The following RNLS variants were observed in gnomAD, a reference collection of about 807,000 sequenced individuals.
RNLS encodes the protein renalase, FAD dependent amine oxidase.
RNLS carries 39 observed loss-of-function variants against 39.8 expected under a neutral mutation model. That is an observed-to-expected ratio of 0.98 (90% CI 0.76 to 1.28). The LOEUF (loss-of-function observed/expected upper bound fraction) is 1.28, where lower values mean the gene tolerates loss of function less well. RNLS is among the 50% of genes most tolerant of loss of function. The pLI is 0.00. For missense variants in RNLS, 410 were observed against 413.3 expected (o/e 0.99, Z 0.07); for synonymous variants, 147 against 150.7 (o/e 0.98, Z 0.18).
intron 4 of RNLS, among the ~76,000 whole-genome samples, chr10:88,449,335 T>A (rs1385788141): frequency 6.6e-6 from 1 of 152,236 alleles, no homozygotes; most frequent in Non-Finnish European, 1.5e-5. Flanking sequence ...CATACTTCCA[T>A]TTATTCATGT....
At chr10:88,376,768 A>G (rs1851034064) in intron 4 of RNLS, among the ~76,000 whole-genome samples, 1 of 152,194 alleles carries the variant, frequency 6.6e-6, no homozygotes, top group Non-Finnish European at 1.5e-5. Context: ...TTAACTCTAC[A>G]ATGAACAATA....
At chr10:88,317,188 T>C (rs573527869) in intron 5 of RNLS, among the ~76,000 whole-genome samples, 8 of 152,350 alleles carry the variant, frequency 5.3e-5, no homozygotes, top group African/African-American at 1.7e-4. Context: ...TCAATGGCTA[T>C]AGAGTCAGAA....
rs186959697 is a variant in RNLS, at chr10:88,466,716, A to T, written c.527-103991T>A. The stretch of plus-strand genomic sequence containing the variant: ...TTGTGACCCCAAAAGTGTATTTTTT[A>T]AATTCAAAGAGTCCTCCAAACATTT... On this transcript the variant is annotated intron_variant, in intron 4 of 6. Transcript: ENST00000331772. Among the ~76,000 whole-genome samples the T allele has an allele frequency of 3.3e-5, 5 of 152,268 alleles. No homozygotes were observed. In the East Asian group the frequency reaches 7.7e-4, roughly 23 times the overall value.
chr10:88,371,444 AAAAAC>A (rs1208496568), intron 4 of RNLS, among the ~76,000 whole-genome samples: 9 of 152,194 alleles, frequency 5.9e-5, no homozygotes, highest in East Asian at 3.8e-4. Flanking sequence ...AGTAGAGAAT[AAAAAC>A]AAAACAAAAC....
At chr10:88,499,093 T>C (rs1845325770) in intron 4 of RNLS, among the ~76,000 whole-genome samples, 1 of 152,166 alleles carries the variant, frequency 6.6e-6, no homozygotes, top group African/African-American at 2.4e-5. Context: ...TGCAGGGGAA[T>C]GTCCTTAGTC....
At chr10:88,521,337 A>G (rs1174625749) in intron 4 of RNLS, among the ~76,000 whole-genome samples, 1 of 152,034 alleles carries the variant, frequency 6.6e-6, no homozygotes, top group Non-Finnish European at 1.5e-5. Flanking sequence ...CCCTAGAATA[A>G]TTGTGTTTAA....
rs147355595 is a variant in RNLS, at chr10:88,356,419, T to G, written c.700+6133A>C. 2.6e-5 allele frequency among the ~76,000 whole-genome samples: 4 copies of G among 152,336 alleles called. No individual in the cohort carries two copies. In the East Asian group the frequency reaches 7.7e-4, roughly 29 times the overall value. The stretch of plus-strand genomic sequence containing the variant: ...TGTTATAAAGTTCACGGCTATTTGT[T>G]TAATTGGAATAATCATGAACTCTTT... On this transcript the variant is annotated intron_variant, in intron 5 of 6. Transcript: ENST00000331772.
chr10:88,372,305 A>G (rs991482308), intron 4 of RNLS, among the ~76,000 whole-genome samples: 5 of 152,148 alleles, frequency 3.3e-5, no homozygotes, highest in Admixed American at 3.3e-4. Flanking sequence ...CTTTTTAATC[A>G]TAAAGAACAA....
chr10:88,354,369 A>G (rs1848976298), intron 5 of RNLS, among the ~76,000 whole-genome samples: 1 of 151,994 alleles, frequency 6.6e-6, no homozygotes, highest in South Asian at 2.1e-4. Flanking sequence ...GTTCCTTTCC[A>G]TGTTTAGTGC....
chr10:88,548,231 C>T (rs577350270), intron 4 of RNLS, among the ~76,000 whole-genome samples: 2 of 103,574 alleles, frequency 1.9e-5, no homozygotes, highest in Admixed American at 1.4e-4. Flanking sequence ...CATTGCACTC[C>T]AGCCTGGGCG....
intron 3 of RNLS, among the ~76,000 whole-genome samples, chr10:88,575,317 A>G (rs74147234): frequency 0.021 from 3,085 of 149,986 alleles, 92 homozygotes; most frequent in South Asian, 0.069. Context: ...TCTAAGTATG[A>G]ACCCCAGACC....
At chr10:88,366,168 G>A (rs1850084816) in intron 4 of RNLS, among the ~76,000 whole-genome samples, 1 of 152,100 alleles carries the variant, frequency 6.6e-6, no homozygotes, top group African/African-American at 2.4e-5. Flanking sequence ...GCAGGTAAAG[G>A]GATACATAAC....
chr10:88,457,553 C>T (rs17336288), intron 4 of RNLS, among the ~76,000 whole-genome samples: 27,107 of 152,192 alleles, frequency 0.18, 2,893 homozygotes, highest in Non-Finnish European at 0.25. Flanking sequence ...AATGCAATGA[C>T]GTTGAAACCA....
intron 4 of RNLS, among the ~76,000 whole-genome samples, chr10:88,503,159 T>C (rs1220186254): frequency 1.3e-5 from 2 of 152,136 alleles, no homozygotes; most frequent in African/African-American, 4.8e-5. Flanking sequence ...GGTGGGAGGA[T>C]TACTTGAGGT....
At chr10:88,181,896 A>G in the RNLS span, among the ~76,000 whole-genome samples, 67 of 152,264 alleles carry the variant, frequency 4.4e-4, no homozygotes, top group African/African-American at 1.6e-3. Context: ...TTGTGGAATA[A>G]TGGCCAACTC....
intron 4 of RNLS, among the ~76,000 whole-genome samples, chr10:88,478,261 G>A (rs1275596854): frequency 4.6e-5 from 7 of 152,042 alleles, no homozygotes; most frequent in East Asian, 1.9e-4. Flanking sequence ...GCTTGAAAAC[G>A]CGAGCCCATC....
chr10:88,315,530 C>T lies in RNLS; in HGVS notation c.701-889G>A, dbSNP rs564946419. Among the ~76,000 whole-genome samples, 152 of 152,232 alleles carry T rather than the reference C, an allele frequency of 1.0e-3. 3 individuals are homozygous for T. Among genetic ancestry groups the T allele is most frequent in the Non-Finnish European group, 1.7e-3 (119 of 68,012 alleles). On this transcript the variant is annotated intron_variant, in intron 5 of 6. Transcript: ENST00000331772. ...TATGAATATAATATGAAAATTGGAACCTCCCCCTCCTGAGAGAAGAGAATA... is the reference window on the plus strand; with the variant it reads ...TATGAATATAATATGAAAATTGGAATCTCCCCCTCCTGAGAGAAGAGAATA...
At position 88,350,744 on chromosome 10, in the gene RNLS, C is replaced by G. The variant is rs1450641169; in HGVS notation, c.700+11808G>C. Reference sequence around the variant, plus strand: ...TGATTTATATTCCTTTGGGTATACACCCAGTAATGGGTTGGCTGGGTCAAA... The same window carrying G: ...TGATTTATATTCCTTTGGGTATACAGCCAGTAATGGGTTGGCTGGGTCAAA... On this transcript the variant is annotated intron_variant, in intron 5 of 6. Coordinates refer to ENST00000331772, the MANE Select transcript of RNLS (RefSeq NM_001031709.3). 2.0e-5 allele frequency among the ~76,000 whole-genome samples: 3 copies of G among 152,148 alleles called. No individual in the cohort carries two copies. The East Asian group carries it at 5.8e-4, about 29-fold the overall frequency.
In RNLS at chr10:88,578,727, T is replaced by C. The variant is rs565593276; in HGVS notation, c.367+2840A>G. Among the ~76,000 whole-genome samples the C allele has an allele frequency of 3.9e-5, 6 of 152,190 alleles. No individual in the cohort carries two copies. The East Asian group carries it at 1.2e-3, about 29-fold the overall frequency. The stretch of plus-strand genomic sequence containing the variant: ...GTGAGGTACAAGGAATTAAAAATAA[T>C]CTCTTCTCTGAAAAGCTTAAAAAGC... On this transcript the variant is annotated intron_variant, in intron 3 of 6. Transcript: ENST00000331772.
Sources: gnomAD v4.1 joint callset for allele counts (sites outside exome capture counted in the v4.1 genomes callset) on GRCh38, gnomAD v4.1.1 for gene constraint, MANE v1.5 for transcripts, NCBI Gene and HGNC (gene_info 2026-07-23, HGNC 2026-07-21) for gene names.